BMP5: variants seen among roughly 807,000 people sequenced by gnomAD.
The protein encoded by BMP5 is bone morphogenetic protein 5.
In BMP5, 23 loss-of-function variants were observed where a neutral mutation model predicts 46.6. The ratio of observed to expected loss-of-function variants is 0.49; its 90% CI spans 0.35 to 0.70. The LOEUF (loss-of-function observed/expected upper bound fraction) is 0.70. Among genes scored for constraint, BMP5 ranks in the 30% least tolerant of loss-of-function variants. BMP5 has a pLI of 0.00. For synonymous variants in BMP5, 204 were observed against 191.9 expected, an observed-to-expected ratio of 1.06 and a Z score of -0.52; for missense variants, 545 against 565.6, an observed-to-expected ratio of 0.96 and a Z score of 0.37.
chr6:55,779,657 T>C (rs949697833), intron 3 of BMP5, among the ~76,000 whole-genome samples: 1 of 152,064 alleles, frequency 6.6e-6, no homozygotes, highest in African/African-American at 2.4e-5. Context: ...ATTCTATATA[T>C]ACTTAAATTT....
At chr6:55,816,570 G>A (rs887694817) in intron 2 of BMP5, among the ~76,000 whole-genome samples, 13 of 152,046 alleles carry the variant, frequency 8.6e-5, no homozygotes, top group East Asian at 7.7e-4. Flanking sequence ...TTTTAAAAAC[G>A]TAACTTATCT....
At chr6:55,800,509 A>G (rs1017039712) in intron 2 of BMP5, among the ~76,000 whole-genome samples, 2 of 152,130 alleles carry the variant, frequency 1.3e-5, no homozygotes, top group African/African-American at 4.8e-5. Flanking sequence ...TTATATTATG[A>G]TAATGTGTTC....
At chr6:55,806,402 G>T (rs959176458) in intron 2 of BMP5, among the ~76,000 whole-genome samples, 5 of 152,024 alleles carry the variant, frequency 3.3e-5, no homozygotes, top group African/African-American at 9.7e-5. Context: ...TATTTCTGAG[G>T]TCTCTGTTCT....
chr6:55,874,025 C>T (rs1359758738), intron 1 of BMP5, among the ~76,000 whole-genome samples: 2 of 151,840 alleles, frequency 1.3e-5, no homozygotes, highest in Admixed American at 6.6e-5. Context: ...TTTTACTTTC[C>T]CATCTGTAAG....
At chr6:55,816,931 G>A (rs1222705293) in intron 2 of BMP5, among the ~76,000 whole-genome samples, 1 of 152,074 alleles carries the variant, frequency 6.6e-6, no homozygotes, top group African/African-American at 2.4e-5. Context: ...ATCAACAAGT[G>A]GGCGAAGGAC....
At chr6:55,760,945 A>T (rs1774760825) in intron 4 of BMP5, among the ~76,000 whole-genome samples, 1 of 152,010 alleles carries the variant, frequency 6.6e-6, no homozygotes, top group African/African-American at 2.4e-5. Flanking sequence ...AACATCTTCC[A>T]TGAGGCAGAT....
chr6:55,823,408 T>G (rs944938314), intron 1 of BMP5, among the ~76,000 whole-genome samples: 1 of 152,052 alleles, frequency 6.6e-6, no homozygotes, highest in Non-Finnish European at 1.5e-5. Flanking sequence ...AGTCATCTCT[T>G]TCCACTCAGC....
intron 3 of BMP5, among the ~76,000 whole-genome samples, chr6:55,791,820 G>A (rs1775578033): frequency 6.6e-6 from 1 of 152,134 alleles, no homozygotes; most frequent in South Asian, 2.1e-4. Flanking sequence ...TGTTTAGTTA[G>A]ACATTTCAAG....
At chr6:55,793,030 T>A (rs1212342105) in intron 3 of BMP5, among the ~76,000 whole-genome samples, 1 of 152,164 alleles carries the variant, frequency 6.6e-6, no homozygotes, top group Non-Finnish European at 1.5e-5. Flanking sequence ...ATATTTAAAA[T>A]TAAATATTAA....
chr6:55,862,517 T>C (rs1777546450), intron 1 of BMP5, among the ~76,000 whole-genome samples: 1 of 152,144 alleles, frequency 6.6e-6, no homozygotes, highest in Admixed American at 6.6e-5. Context: ...AAAATATGGG[T>C]GAAAATCTTT....
intron 2 of BMP5, among the ~76,000 whole-genome samples, chr6:55,811,507 C>A (rs945211694): frequency 1.3e-5 from 2 of 152,100 alleles, no homozygotes; most frequent in African/African-American, 4.8e-5. Flanking sequence ...GTGCTGGATG[C>A]TATTCTTATT....
Position 55,872,370 on chromosome 6 carries a change from C to T in BMP5, c.490+2006G>A, listed in dbSNP as rs563646575. Among the ~76,000 whole-genome samples the T allele has an allele frequency of 4.4e-4, 67 of 151,724 alleles. 1 individual carries two copies. The highest frequency in any genetic ancestry group is 1.5e-3 in the African/African-American group (64 of 41,542). ...AGTTCAAGCATGATAAAAATAAACA[C>T]ACAGTTTCTCTAAAGCTTATAGCTA... On this transcript the variant is annotated intron_variant, in intron 1 of 6. Coordinates refer to ENST00000370830, the MANE Select transcript of BMP5 (RefSeq NM_021073.4).
rs148597397 is a variant in BMP5, at chr6:55,775,398, T to C, written c.833-1155A>G. Among the ~76,000 whole-genome samples the C allele has an allele frequency of 1.2e-4, 18 of 152,046 alleles. No individual in the cohort carries two copies. In the East Asian group the frequency reaches 3.5e-3, roughly 30 times the overall value. On this transcript the variant is annotated intron_variant, in intron 3 of 6. Transcript: ENST00000370830. ...CTAATTTAAAATAATCACTGAAAAT[T>C]ATATTTTATATATATGTGAAAAAGA...
chr6:55,827,365 T>A (rs1000538433), intron 1 of BMP5, among the ~76,000 whole-genome samples: 9 of 151,850 alleles, frequency 5.9e-5, no homozygotes, highest in Middle Eastern at 3.4e-3. Flanking sequence ...GTGGTTTTTT[T>A]AAAAATGTTT....
chr6:55,775,655 T>C (rs568805971), intron 3 of BMP5, among the ~76,000 whole-genome samples: 2 of 152,006 alleles, frequency 1.3e-5, no homozygotes, highest in South Asian at 4.1e-4. Context: ...CAGTAAAGAC[T>C]GTGGAGCAAC....
intron 3 of BMP5, among the ~76,000 whole-genome samples, chr6:55,780,522 A>G (rs989868511): frequency 2.6e-5 from 4 of 151,140 alleles, no homozygotes; most frequent in African/African-American, 9.7e-5. Flanking sequence ...ACTCCTGGTA[A>G]CATATAGCAG....
chr6:55,869,325 T>C (rs1032953784), intron 1 of BMP5, among the ~76,000 whole-genome samples: 3 of 152,196 alleles, frequency 2.0e-5, no homozygotes, highest in Non-Finnish European at 4.4e-5. Context: ...CCTGTACAAC[T>C]GAAAAACCAG....
At chr6:55,760,676 C>T (rs566699640) in intron 4 of BMP5, 143 bp from the exon 5 acceptor site, 6 of 696,616 alleles carry the variant, frequency 8.6e-6, no homozygotes, top group East Asian at 8.2e-5. Context: ...GTTAGAACTA[C>T]TTACTAACCA....
chr6:55,843,866 T>C (rs1318437713), intron 1 of BMP5, among the ~76,000 whole-genome samples: 1 of 152,056 alleles, frequency 6.6e-6, no homozygotes, highest in Non-Finnish European at 1.5e-5. Flanking sequence ...ATGTTTTATC[T>C]AAATAATTTT....
Sources: allele counts gnomAD v4.1 joint callset (sites outside exome capture counted in the v4.1 genomes callset), GRCh38; gene constraint gnomAD v4.1.1; transcripts MANE v1.5; gene names NCBI Gene and HGNC (gene_info 2026-07-23, HGNC 2026-07-21).